GOLPH3: variants seen among roughly 807,000 people sequenced by gnomAD.
GOLPH3 encodes golgi phosphoprotein 3.
In GOLPH3, 14 loss-of-function variants were observed where a neutral mutation model predicts 28.5. The ratio of observed to expected loss-of-function variants is 0.49; its 90% CI spans 0.32 to 0.77. The LOEUF is 0.77. Among genes scored for constraint, GOLPH3 ranks in the 30% least tolerant of loss-of-function variants. The pLI is 0.03. For missense variants in GOLPH3, 350 were observed against 393.7 expected (o/e 0.89, Z 0.94); for synonymous variants, 158 against 159.2 (o/e 0.99, Z 0.06).
chr5:32,171,008 T>C (rs1419643764), intron 1 of GOLPH3, among the ~76,000 whole-genome samples: 3 of 152,060 alleles, frequency 2.0e-5, no homozygotes, highest in African/African-American at 7.2e-5. Context: ...GTATAATGAG[T>C]GACTCTTGAT....
Position 32,173,851 on chromosome 5 carries a change from G to A in GOLPH3, c.184C>T (p.Leu62=), listed in dbSNP as rs1156436919. ...KGDSKETRLT[L]MEEVLLLGLK... ...CCCAGCAGGAGCACTTCCTCCATCA[G>A]GGTCAGCCGCGTTTCCTTGGAGTCG... Residue 62 remains leucine (L), a synonymous_variant, in exon 1 of 4, where the codon CTG becomes TTG. Coordinates refer to ENST00000265070, the MANE Select transcript of GOLPH3 (RefSeq NM_022130.4). 2 of 1,520,438 alleles carry A rather than the reference G, an allele frequency of 1.3e-6. No homozygotes were observed. The highest frequency in any genetic ancestry group is 8.8e-7 in the Non-Finnish European group (1 of 1,136,282). The allele number at this position is 1,520,438 out of a possible 1,614,324, so 94.2% of individuals were successfully genotyped here.
rs1355827678 is a variant in GOLPH3 at position 32,152,421 on chromosome 5, G to GC, written c.226-8542dup. Among the ~76,000 whole-genome samples, 1,013 of 124,852 alleles carry GC rather than the reference G, an allele frequency of 8.1e-3. 12 individuals are homozygous for GC. Among genetic ancestry groups the GC allele is most frequent in the African/African-American group, 0.025 (913 of 36,386 alleles). The allele number at this position is 124,852 out of a possible 152,430, so 81.9% of individuals were successfully genotyped here. On this transcript the variant is annotated intron_variant, in intron 1 of 3. Coordinates refer to ENST00000265070, the MANE Select transcript of GOLPH3 (RefSeq NM_022130.4). The stretch of plus-strand genomic sequence containing the variant: ...ATTACAGGTATGAGCCACCGCGCCT[G>GC]CCCCCCCCAGCCTTTTTTTTTTTTT...
chr5:32,141,940 A>G (rs1376270738), intron 2 of GOLPH3, among the ~76,000 whole-genome samples: 2 of 151,646 alleles, frequency 1.3e-5, no homozygotes, highest in Non-Finnish European at 2.9e-5. Context: ...CAGTGGCGTG[A>G]TCTCGGCTCG....
At chr5:32,149,530 A>C (rs1365379155) in intron 1 of GOLPH3, among the ~76,000 whole-genome samples, 1 of 152,234 alleles carries the variant, frequency 6.6e-6, no homozygotes, top group Non-Finnish European at 1.5e-5. Flanking sequence ...TTACAAAAAA[A>C]CATTCTATAA....
chr5:32,170,323 A>G (rs1223674591), intron 1 of GOLPH3, among the ~76,000 whole-genome samples: 3 of 152,224 alleles, frequency 2.0e-5, no homozygotes, highest in Non-Finnish European at 4.4e-5. Context: ...GTGGAGGGCT[A>G]GGGCTTCTGT....
chr5:32,161,388 A>C (rs2111887021), intron 1 of GOLPH3, among the ~76,000 whole-genome samples: 1 of 145,650 alleles, frequency 6.9e-6, no homozygotes, highest in Admixed American at 6.9e-5. Flanking sequence ...TGGGTGACAG[A>C]GCATACCTTG....
intron 3 of GOLPH3, among the ~76,000 whole-genome samples, chr5:32,129,097 G>C (rs190872043): frequency 6.6e-6 from 1 of 151,900 alleles, no homozygotes; most frequent in African/African-American, 2.4e-5. Context: ...CAGGAGAATC[G>C]CTTGAACCCG....
intron 1 of GOLPH3, among the ~76,000 whole-genome samples, chr5:32,162,538 A>C (rs570768706): frequency 6.6e-6 from 1 of 152,306 alleles, no homozygotes; most frequent in South Asian, 2.1e-4. Flanking sequence ...CGCATAGATG[A>C]GCATCTGAAT....
At chr5:32,132,100 G>C (rs1276003264) in intron 3 of GOLPH3, among the ~76,000 whole-genome samples, 1 of 152,208 alleles carries the variant, frequency 6.6e-6, no homozygotes, top group Non-Finnish European at 1.5e-5. Context: ...AGACTGCAGT[G>C]AGCTGTGACT....
intron 2 of GOLPH3, among the ~76,000 whole-genome samples, chr5:32,142,489 C>A (rs1046131077): frequency 4.7e-5 from 7 of 149,326 alleles, no homozygotes; most frequent in Admixed American, 1.3e-4. Context: ...GTCAGCCCCC[C>A]ACCCAGCCAG....
intron 3 of GOLPH3, among the ~76,000 whole-genome samples, chr5:32,134,308 C>T (rs767552688): frequency 1.3e-5 from 2 of 151,964 alleles, no homozygotes; most frequent in Admixed American, 6.6e-5. Flanking sequence ...TAGGCTCAAG[C>T]GATCCTCCCA....
chr5:32,173,840 T>C lies in GOLPH3; in HGVS notation c.195A>G (p.Glu65=), dbSNP rs750300782. Residue 65 remains glutamate, a synonymous_variant, in exon 1 of 4, where the codon GAA becomes GAG. Transcript: ENST00000265070. The part of the protein sequence containing the change: ...SKETRLTLME[E]VLLLGLKDRE... ...GGTCCTTGAGGCCCAGCAGGAGCAC[T>C]TCCTCCATCAGGGTCAGCCGCGTTT... is the stretch of plus-strand genomic sequence containing the variant. 6.6e-7 allele frequency: 1 copy of C among 1,504,794 alleles called. No individual in the cohort carries two copies. Among genetic ancestry groups the C allele is most frequent in the Non-Finnish European group, 8.9e-7 (1 of 1,127,674 alleles). 93.2% of individuals were successfully genotyped at this position (1,504,794 alleles called of 1,614,324 possible). A position where few individuals can be genotyped will look rare whatever the true frequency, so the allele number is the denominator to read the frequency against.
chr5:32,168,791 C>CA (rs1404634730), intron 1 of GOLPH3, among the ~76,000 whole-genome samples: 1 of 152,136 alleles, frequency 6.6e-6, no homozygotes, highest in African/African-American at 2.4e-5. Flanking sequence ...GACAAAACAG[C>CA]AGGGGAATAA....
intron 2 of GOLPH3, among the ~76,000 whole-genome samples, chr5:32,138,145 G>A (rs1012718972): frequency 6.6e-6 from 1 of 152,006 alleles, no homozygotes; most frequent in African/African-American, 2.4e-5. Context: ...CTTGTGATCT[G>A]TCCACCTCGG....
chr5:32,141,682 G>A (rs1746063618), intron 2 of GOLPH3, among the ~76,000 whole-genome samples: 2 of 152,150 alleles, frequency 1.3e-5, no homozygotes, highest in Admixed American at 1.3e-4. Flanking sequence ...CTGCCATCTC[G>A]GCTCACTGCA....
In GOLPH3 at chr5:32,174,129, T is replaced by A; in HGVS notation, c.-95A>T. ...GCGCGGCCTCCGATCCGGGTTTCCG[T>A]GTTAAATCCGGACGCCGGGGCGACG... is the stretch of plus-strand genomic sequence containing the variant. On this transcript the variant is annotated 5_prime_UTR_variant, in exon 1 of 4. Coordinates refer to ENST00000265070, the MANE Select transcript of GOLPH3 (RefSeq NM_022130.4). 1 of 884,942 alleles carries A rather than the reference T, an allele frequency of 1.1e-6. No homozygotes were observed. Among genetic ancestry groups the A allele is most frequent in the Non-Finnish European group, 1.5e-6 (1 of 674,112 alleles). 54.8% of individuals were successfully genotyped at this position (884,942 alleles called of 1,614,324 possible).
chr5:32,137,909 G>GT (rs397997289), intron 2 of GOLPH3, among the ~76,000 whole-genome samples: 128,851 of 143,048 alleles, frequency 0.9, 58,985 homozygotes, highest in Non-Finnish European at 0.97. Flanking sequence ...GGTTTTTTTT[G>GT]TTTTTTTTTT....
chr5:32,147,503 C>CGTGT (rs372149440), intron 1 of GOLPH3, among the ~76,000 whole-genome samples: 1 of 150,598 alleles, frequency 6.6e-6, no homozygotes, highest in Non-Finnish European at 1.5e-5. Flanking sequence ...ATTATGAAAT[C>CGTGT]GTGTGTGTGT....
intron 1 of GOLPH3, among the ~76,000 whole-genome samples, chr5:32,147,005 G>A (rs1230465918): frequency 6.6e-6 from 1 of 152,100 alleles, no homozygotes; most frequent in Non-Finnish European, 1.5e-5. Flanking sequence ...CACAGGCCAC[G>A]GGTTGGACAA....
Sources: allele counts gnomAD v4.1 joint callset (sites outside exome capture counted in the v4.1 genomes callset), GRCh38; gene constraint gnomAD v4.1.1; transcripts MANE v1.5; gene names NCBI Gene and HGNC (gene_info 2026-07-23, HGNC 2026-07-21).